Variants in PDE11A observed in about 807,000 individuals in gnomAD.
The protein encoded by PDE11A is dual 3',5'-cyclic-AMP and -GMP phosphodiesterase 11A.
In PDE11A, 100 loss-of-function variants were observed where a neutral mutation model predicts 100.5. The observed-to-expected ratio is 1.00, with a 90% CI of 0.85 to 1.18. The LOEUF is 1.18. PDE11A is among the 50% of genes most tolerant of loss of function. The probability of loss-of-function intolerance (pLI) is 0.00; values close to 1 mark genes in which losing one functional copy is unlikely to be tolerated. For synonymous variants in PDE11A, 381 were observed against 420.8 expected (o/e 0.91, Z 1.16); for missense variants, 1,141 against 1,152.6 (o/e 0.99, Z 0.15).
At chr2:177,992,463 T>G (rs2086016098) in intron 2 of PDE11A, among the ~76,000 whole-genome samples, 1 of 143,686 alleles carries the variant, frequency 7.0e-6, no homozygotes, top group Non-Finnish European at 1.5e-5. Flanking sequence ...TACCAAAATA[T>G]TTCTACCATT....
intron 5 of PDE11A, among the ~76,000 whole-genome samples, chr2:177,854,676 A>G (rs748098082): frequency 1.2e-4 from 18 of 152,148 alleles, no homozygotes; most frequent in Non-Finnish European, 2.1e-4. Flanking sequence ...GAAAGGCGGC[A>G]GAGAATATCT....
At chr2:177,889,818 T>C (rs1245226174) in intron 4 of PDE11A, among the ~76,000 whole-genome samples, 12 of 152,296 alleles carry the variant, frequency 7.9e-5, no homozygotes, top group Non-Finnish European at 1.5e-4. Context: ...TTATTTTTCC[T>C]GAGAGATCTT....
chr2:178,049,064 T>C (rs748960049), intron 1 of PDE11A, among the ~76,000 whole-genome samples: 2 of 152,228 alleles, frequency 1.3e-5, no homozygotes, highest in African/African-American at 2.4e-5. Context: ...AAGGTTATTA[T>C]GAAGATCTTA....
chr2:177,813,296 C>A (rs2082979381), intron 9 of PDE11A, among the ~76,000 whole-genome samples: 1 of 152,244 alleles, frequency 6.6e-6, no homozygotes, highest in African/African-American at 2.4e-5. Context: ...TTCAATAAAT[C>A]TTTTGCTTAC....
At chr2:177,960,604 A>T (rs528151990) in intron 2 of PDE11A, among the ~76,000 whole-genome samples, 1 of 152,260 alleles carries the variant, frequency 6.6e-6, no homozygotes, top group Non-Finnish European at 1.5e-5. Flanking sequence ...ATAGAATGGA[A>T]TTTGAGATTT....
intron 6 of PDE11A, among the ~76,000 whole-genome samples, chr2:177,829,102 A>G (rs1476475693): frequency 6.6e-6 from 1 of 152,124 alleles, no homozygotes; most frequent in African/African-American, 2.4e-5. Context: ...CATCAGAGAA[A>G]GGGAGAATCA....
rs1559062611 is a variant in PDE11A at position 178,071,969 on chromosome 2, G to T, written c.469C>A (p.Leu157Ile). 1.9e-6 allele frequency: 3 copies of T among 1,613,960 alleles called. No homozygotes were observed. The highest frequency in any genetic ancestry group is 2.5e-6 in the Non-Finnish European group (3 of 1,179,966). The change falls in exon 1 of 20, where the codon CTT (leucine) becomes ATT (isoleucine). Residue 157 changes from leucine (L) to isoleucine (I), a missense_variant. Physicochemically the swap from Leu to Ile is conservative, Grantham distance 5. Coordinates refer to ENST00000286063, the MANE Select transcript of PDE11A (RefSeq NM_016953.4). ...EPLSSVRRRA[L>I]LRKASSLPPT... ...GGCAGGGAGCTTGCCTTCCGGAGAAGTGCCCTCCGTCGTACACTACTCAGG... is the reference window on the plus strand; with the variant it reads ...GGCAGGGAGCTTGCCTTCCGGAGAATTGCCCTCCGTCGTACACTACTCAGG...
At chr2:178,071,489 T>C in intron 1 of PDE11A, 37 bp downstream of exon 1, 1 of 1,612,532 alleles carries the variant, frequency 6.2e-7, no homozygotes, top group South Asian at 1.1e-5. Flanking sequence ...CCCAAGCCAA[T>C]GGGGCTCTGG....
intron 10 of PDE11A, among the ~76,000 whole-genome samples, chr2:177,750,603 A>G (rs1189398208): frequency 6.6e-6 from 1 of 152,220 alleles, no homozygotes; most frequent in Non-Finnish European, 1.5e-5. Flanking sequence ...GGTGTTCCCT[A>G]GTACACTGTT....
At chr2:177,863,625 T>A (rs2083980339) in intron 5 of PDE11A, among the ~76,000 whole-genome samples, 1 of 151,990 alleles carries the variant, frequency 6.6e-6, no homozygotes, top group South Asian at 2.1e-4. Flanking sequence ...GAAATGCAAA[T>A]TAAATCCATT....
At position 177,649,914 on chromosome 2, in the gene PDE11A, A is replaced by G. The variant is rs569563683; in HGVS notation, c.2646+13952T>C. Among the ~76,000 whole-genome samples, 44 of 152,364 alleles carry G rather than the reference A, an allele frequency of 2.9e-4. No homozygotes were observed. In the South Asian group the frequency reaches 8.9e-3, roughly 31 times the overall value. ...ATAAAGGAAATAGCAATCTTTGGTC[A>G]TGTGTTAGAAATATTAAATCACCTG... On this transcript the variant is annotated intron_variant, in intron 19 of 19. Transcript: ENST00000286063.
intron 10 of PDE11A, among the ~76,000 whole-genome samples, chr2:177,765,875 C>G (rs2082231746): frequency 1.3e-5 from 2 of 152,162 alleles, no homozygotes. Context: ...AGCTTGTCTC[C>G]CAGACATTTC....
chr2:178,060,193 G>T (rs1462953858), intron 1 of PDE11A, among the ~76,000 whole-genome samples: 1 of 152,178 alleles, frequency 6.6e-6, no homozygotes, highest in African/African-American at 2.4e-5. Context: ...CAATCAGGAA[G>T]ACTGTGCTGA....
At chr2:178,013,262 G>A (rs17636214) in intron 2 of PDE11A, among the ~76,000 whole-genome samples, 4,468 of 152,150 alleles carry the variant, frequency 0.029, 96 homozygotes, top group Middle Eastern at 0.085. Context: ...GTGCCTCTTA[G>A]GATCCCAATA....
chr2:177,715,574 C>T (rs2081426396), intron 12 of PDE11A, among the ~76,000 whole-genome samples: 1 of 150,870 alleles, frequency 6.6e-6, no homozygotes, highest in Non-Finnish European at 1.5e-5. Context: ...ATTTTCTTAT[C>T]TCCTCTTTTC....
intron 15 of PDE11A, among the ~76,000 whole-genome samples, chr2:177,697,086 T>G (rs73979528): frequency 0.019 from 2,921 of 152,292 alleles, 97 homozygotes; most frequent in African/African-American, 0.066. Flanking sequence ...CAGAGTTGTG[T>G]GTCAAACAAG....
chr2:177,871,612 T>A (rs572371908), intron 5 of PDE11A, among the ~76,000 whole-genome samples: 2 of 151,276 alleles, frequency 1.3e-5, no homozygotes, highest in South Asian at 4.2e-4. Flanking sequence ...ACGCCAGCAC[T>A]TTTGGGAGGC....
intron 2 of PDE11A, among the ~76,000 whole-genome samples, chr2:177,967,429 C>G (rs1220211709): frequency 1.3e-5 from 2 of 151,936 alleles, no homozygotes; most frequent in Non-Finnish European, 2.9e-5. Flanking sequence ...AACTCCTGTC[C>G]TCAGGTGATC....
chr2:177,681,206 T>C (rs9288008), intron 15 of PDE11A, among the ~76,000 whole-genome samples: 17,877 of 152,234 alleles, frequency 0.12, 1,302 homozygotes, highest in Middle Eastern at 0.2. Context: ...GCCCTAGTGA[T>C]ACTTACTGAA....
Sources: gnomAD v4.1 joint callset for allele counts (sites outside exome capture counted in the v4.1 genomes callset) on GRCh38, gnomAD v4.1.1 for gene constraint, MANE v1.5 for transcripts, NCBI Gene and HGNC (gene_info 2026-07-23, HGNC 2026-07-21) for gene names.